NRXN3: variants seen among roughly 807,000 people sequenced by gnomAD.
The protein encoded by NRXN3 is neurexin III.
A neutral mutation model predicts 137.6 loss-of-function variants in NRXN3; 32 were observed. The ratio of observed to expected loss-of-function variants is 0.23; its 90% CI spans 0.18 to 0.31. The LOEUF (loss-of-function observed/expected upper bound fraction) is 0.31. NRXN3 is among the 10% of genes least tolerant of loss of function. The pLI, the probability that NRXN3 is intolerant of heterozygous loss-of-function variation, is 1.00. For missense variants in NRXN3, 1,574 were observed against 2,062.5 expected (o/e 0.76, Z 4.59); for synonymous variants, 798 against 784.5 (o/e 1.02, Z -0.29).
chr14:79,383,759 T>C (rs556442044), intron 15 of NRXN3, among the ~76,000 whole-genome samples: 1 of 152,262 alleles, frequency 6.6e-6, no homozygotes, highest in East Asian at 1.9e-4. Context: ...CTGTCTCAAA[T>C]GCATGCTTCA....
intron 4 of NRXN3, among the ~76,000 whole-genome samples, chr14:78,615,713 T>C (rs1252819703): frequency 6.6e-6 from 1 of 152,036 alleles, no homozygotes; most frequent in East Asian, 1.9e-4. Flanking sequence ...AGTGGGAGGA[T>C]TGCTTGAGGC....
At chr14:78,825,440 C>T (rs2098964007) in intron 10 of NRXN3, among the ~76,000 whole-genome samples, 1 of 152,128 alleles carries the variant, frequency 6.6e-6, no homozygotes, top group African/African-American at 2.4e-5. Context: ...GGTGATTTTT[C>T]CAAGCCGTCA....
intron 20 of NRXN3, among the ~76,000 whole-genome samples, chr14:79,809,023 A>G (rs2099221792): frequency 6.6e-6 from 1 of 152,158 alleles, no homozygotes; most frequent in South Asian, 2.1e-4. Flanking sequence ...TTCACGGTAT[A>G]TTTTTGCTGG....
chr14:79,581,767 G>A (rs1474803127), intron 16 of NRXN3, among the ~76,000 whole-genome samples: 1 of 152,088 alleles, frequency 6.6e-6, no homozygotes, highest in Non-Finnish European at 1.5e-5. Context: ...TCGTTTACGT[G>A]GTCGTTTTGT....
In NRXN3 at chr14:78,709,345, C is replaced by A. The variant is rs1850376632; in HGVS notation, c.1350C>A (p.Asn450Lys). The A allele has an allele frequency of 1.2e-6, 2 of 1,614,130 alleles. No individual in the cohort carries two copies. Among genetic ancestry groups the A allele is most frequent in the Non-Finnish European group, 1.7e-6 (2 of 1,179,996 alleles). ...CENVATLDPINFETPEAYISL... is the reference protein window; with the variant it reads ...CENVATLDPIKFETPEAYISL... ...ATGTGGCCACACTGGACCCCATCAACTTTGAGACCCCAGAGGCTTACATCA... is the reference window on the plus strand; with the variant it reads ...ATGTGGCCACACTGGACCCCATCAAATTTGAGACCCCAGAGGCTTACATCA... Residue 450 changes from asparagine to lysine, a missense_variant, in exon 7 of 21, where the codon AAC becomes AAA. Asn to Lys is a moderately conservative substitution (Grantham distance 94). Transcript: ENST00000335750.
At chr14:79,343,252 T>A (rs564328602) in intron 15 of NRXN3, among the ~76,000 whole-genome samples, 1 of 152,274 alleles carries the variant, frequency 6.6e-6, no homozygotes, top group South Asian at 2.1e-4. Flanking sequence ...GGCGATCTAG[T>A]CTCCAGGCAA....
chr14:78,598,263 G>A (rs2097174139), intron 4 of NRXN3, among the ~76,000 whole-genome samples: 1 of 152,140 alleles, frequency 6.6e-6, no homozygotes, highest in Non-Finnish European at 1.5e-5. Context: ...CACCCCCTCA[G>A]ACTTGGCTTG....
At chr14:78,890,411 G>A (rs1230886270) in intron 10 of NRXN3, among the ~76,000 whole-genome samples, 5 of 151,866 alleles carry the variant, frequency 3.3e-5, no homozygotes, top group African/African-American at 1.2e-4. Context: ...AGCACACATT[G>A]TGTCCTGTAA....
At chr14:78,528,953 A>G (rs1250501828) in intron 4 of NRXN3, among the ~76,000 whole-genome samples, 1 of 152,152 alleles carries the variant, frequency 6.6e-6, no homozygotes, top group Admixed American at 6.5e-5. Flanking sequence ...AGCAGGCACA[A>G]TGCTAGGTTG....
rs139218125 is a variant in NRXN3, at chr14:79,837,323, A to G, written c.4094-24019A>G. ...TTAAAAAAACCGTCTTATCCATTTC[A>G]TATGTTTTACAGGCACTAAAATGGG... On this transcript the variant is annotated intron_variant, in intron 20 of 20. Transcript: ENST00000335750. Among the ~76,000 whole-genome samples, 398 of 151,874 alleles carry G rather than the reference A, an allele frequency of 2.6e-3. 1 individual carries two copies. Among genetic ancestry groups the G allele is most frequent in the African/African-American group, 8.7e-3 (359 of 41,418 alleles).
At chr14:79,387,329 G>A (rs2153463864) in intron 15 of NRXN3, among the ~76,000 whole-genome samples, 1 of 152,302 alleles carries the variant, frequency 6.6e-6, no homozygotes, top group African/African-American at 2.4e-5. Flanking sequence ...AGACATTTAT[G>A]CAGCCAAAAG....
chr14:78,719,100 A>C (rs2098447456), intron 8 of NRXN3, among the ~76,000 whole-genome samples: 1 of 152,208 alleles, frequency 6.6e-6, no homozygotes, highest in African/African-American at 2.4e-5. Flanking sequence ...GGTTTGATTT[A>C]TTTGTACATC....
intron 15 of NRXN3, among the ~76,000 whole-genome samples, chr14:78,997,132 C>G (rs1377174197): frequency 3.3e-5 from 5 of 152,076 alleles, no homozygotes; most frequent in Admixed American, 3.3e-4. Context: ...TTTTCACAAC[C>G]CTCCCTGAAA....
intron 15 of NRXN3, among the ~76,000 whole-genome samples, chr14:79,128,571 C>T (rs1211887943): frequency 7.3e-5 from 11 of 149,880 alleles, no homozygotes; most frequent in African/African-American, 1.2e-4. Context: ...CTGCTGGATT[C>T]GGTTTGCCAG....
At chr14:78,835,720 G>A (rs75564636) in intron 10 of NRXN3, among the ~76,000 whole-genome samples, 3,137 of 152,026 alleles carry the variant, frequency 0.021, 131 homozygotes, top group African/African-American at 0.072. Context: ...TAATTCTTTG[G>A]TCTTATCCAA....
In NRXN3 at chr14:79,807,734, T is replaced by C. The variant is rs2099213916; in HGVS notation, c.4093+2544T>C. On this transcript the variant is annotated intron_variant, in intron 20 of 20. Coordinates refer to ENST00000335750, the MANE Select transcript of NRXN3 (RefSeq NM_001330195.2). ...CCCCTACCTTTAAAGAGTGAACATG[T>C]AGCTCTAGGAGGCTGATATTGATTT... 2.0e-5 allele frequency among the ~76,000 whole-genome samples: 3 copies of C among 152,304 alleles called. No homozygotes were observed. The Middle Eastern group carries it at 0.01, about 518-fold the overall frequency.
At chr14:79,461,124 A>C (rs1031517373) in intron 15 of NRXN3, among the ~76,000 whole-genome samples, 1 of 151,896 alleles carries the variant, frequency 6.6e-6, no homozygotes, top group East Asian at 1.9e-4. Context: ...TCTGTTATTC[A>C]CCTTTCTCCC....
At chr14:79,411,070 G>C (rs190251857) in intron 15 of NRXN3, among the ~76,000 whole-genome samples, 1 of 152,160 alleles carries the variant, frequency 6.6e-6, no homozygotes, top group East Asian at 1.9e-4. Context: ...ACCACTAGTA[G>C]GTTTTGCATA....
At chr14:79,720,950 T>C (rs1238376756) in intron 19 of NRXN3, among the ~76,000 whole-genome samples, 2 of 152,134 alleles carry the variant, frequency 1.3e-5, no homozygotes, top group South Asian at 2.1e-4. Context: ...AAAAAATATA[T>C]GTAGACAGAG....
Sources: allele counts gnomAD v4.1 joint callset (sites outside exome capture counted in the v4.1 genomes callset), GRCh38; gene constraint gnomAD v4.1.1; transcripts MANE v1.5; gene names NCBI Gene and HGNC (gene_info 2026-07-23, HGNC 2026-07-21).